Variants in MUC3A observed in about 807,000 individuals in gnomAD.
MUC3A encodes the protein mucin-3A.
A neutral mutation model predicts 109.0 loss-of-function variants in MUC3A; 109 were observed. The observed-to-expected ratio is 1.00, with a 90% CI of 0.86 to 1.17. MUC3A has a LOEUF of 1.17. MUC3A is among the 50% of genes most tolerant of loss of function. The pLI is 0.00. For missense variants in MUC3A, 3,537 were observed against 2,469.4 expected, an observed-to-expected ratio of 1.43 and a Z score of -9.16; for synonymous variants, 1,398 against 981.4, an observed-to-expected ratio of 1.42 and a Z score of -7.93.
Position 100,955,942 on chromosome 7 carries a change from C to T in MUC3A, c.4163C>T (p.Thr1388Ile). 1.9e-6 allele frequency: 1 copy of T among 536,234 alleles called. No homozygotes were observed. Among genetic ancestry groups the T allele is most frequent in the East Asian group, 3.0e-5 (1 of 33,478 alleles). 33.2% of individuals were successfully genotyped at this position (536,234 alleles called of 1,614,324 possible). A position where few individuals can be genotyped will look rare whatever the true frequency, so the allele number is the denominator to read the frequency against. Reference sequence around the variant, plus strand: ...GCCATGACTTCTACTCCCCCCATCACTTCTTCAATCACTCCCACCGATACA... The same window carrying T: ...GCCATGACTTCTACTCCCCCCATCATTTCTTCAATCACTCCCACCGATACA... ...TTAMTSTPPI[T>I]SSITPTDTMT... The change falls in exon 2 of 12, where the codon ACT becomes ATT. Residue 1388 changes from threonine to isoleucine, a missense_variant. Physicochemically the swap from Thr to Ile is moderately conservative, Grantham distance 89. Coordinates refer to ENST00000379458, the MANE Select transcript of MUC3A (RefSeq NM_005960.2).
intron 5 of MUC3A, 45 bp from the exon 6 acceptor site, chr7:100,964,648 CCA>C: frequency 6.4e-7 from 1 of 1,570,062 alleles, no homozygotes; most frequent in Non-Finnish European, 8.6e-7. Flanking sequence ...CTCCAAGGAC[CCA>C]TATGTTCCTG....
At chr7:100,961,983 A>G (rs1386796031) in intron 3 of MUC3A, among the ~76,000 whole-genome samples, 6 of 2,708 alleles carry the variant, frequency 2.2e-3, no homozygotes, top group African/African-American at 5.3e-3. Flanking sequence ...CTGTAATCCC[A>G]GCACTTTGGG....
At position 100,959,176 on chromosome 7, in the gene MUC3A, C is replaced by T. The variant is rs778553955; in HGVS notation, c.7397C>T (p.Ser2466Leu). The T allele has an allele frequency of 8.8e-6, 14 of 1,598,176 alleles. No individual in the cohort carries two copies. The African/African-American group carries it at 1.1e-4, about 12-fold the overall frequency. ...GCCATCACCTCACATTTTACTACCTCAGAGACTGCGGTGACTCCCACACCT... is the reference window on the plus strand; with the variant it reads ...GCCATCACCTCACATTTTACTACCTTAGAGACTGCGGTGACTCCCACACCT... ...TTAITSHFTT[S>L]ETAVTPTPVT... is the part of the protein sequence containing the mutation. Residue 2466 changes from serine to leucine, a missense_variant, in exon 2 of 12, where the codon TCA becomes TTA. Coordinates refer to ENST00000379458, the MANE Select transcript of MUC3A (RefSeq NM_005960.2).
Position 100,959,996 on chromosome 7 carries a change from C to T in MUC3A, c.8217C>T (p.Thr2739=), listed in dbSNP as rs1792264011. ...CTAGTCTCTCTTCCTCTGCAACTAC[C>T]AGCACTTCTTCAACCAGCTCCTCTC... The part of the protein sequence containing the change: ...GFPSLSSSAT[T]STSSTSSSLT... The change falls in exon 2 of 12, where the codon ACC becomes ACT. Residue 2739 remains threonine (T), a synonymous_variant. Transcript: ENST00000379458. The T allele has an allele frequency of 6.6e-7, 1 of 1,506,592 alleles. No individual in the cohort carries two copies. The highest frequency in any genetic ancestry group is 8.8e-7 in the Non-Finnish European group (1 of 1,139,136). The allele number at this position is 1,506,592 out of a possible 1,614,324, so 93.3% of individuals were successfully genotyped here.
chr7:100,961,070 C>T (rs1332422792), intron 3 of MUC3A, 133 bp downstream of exon 3: 3 of 1,536,988 alleles, frequency 2.0e-6, no homozygotes, highest in Non-Finnish European at 2.6e-6. Flanking sequence ...GCCATCTCTC[C>T]CATGCCCTCC....
At position 100,962,257 on chromosome 7, in the gene MUC3A, A is replaced by AAC. The variant is rs1703525624; in HGVS notation, c.9053-893_9053-892insCA. On this transcript the variant is annotated intron_variant, in intron 3 of 11. Transcript: ENST00000379458. ...AAAAAAAAAAAAAAAAAAAAAAAAA[A>AAC]AAAAAAAAAACTTACCTGGGCATGG... Among the ~76,000 whole-genome samples, 6 of 150,600 alleles carry AAC rather than the reference A, an allele frequency of 4.0e-5. 2 individuals are homozygous for AAC. Among genetic ancestry groups the AAC allele is most frequent in the Non-Finnish European group, 7.4e-5 (5 of 67,608 alleles).
At position 100,959,557 on chromosome 7, in the gene MUC3A, C is replaced by A; in HGVS notation, c.7778C>A (p.Ser2593Tyr). The stretch of plus-strand genomic sequence containing the variant: ...ACGTCAGCCACTGGGACCCAAACAT[C>A]TCCTGCACCTACTACTGTCACCTTT... ...VLTSATGTQT[S>Y]PAPTTVTFGS... Residue 2593 changes from serine to tyrosine, a missense_variant, in exon 2 of 12, where the codon TCT (serine) becomes TAT (tyrosine). Ser to Tyr is a moderately radical substitution (Grantham distance 144, BLOSUM62 -2). Transcript: ENST00000379458. The A allele has an allele frequency of 6.3e-7, 1 of 1,592,688 alleles. No individual in the cohort carries two copies. The highest frequency in any genetic ancestry group is 1.7e-5 in the Admixed American group (1 of 59,580).
rs1791978139 is a variant in MUC3A at position 100,952,418 on chromosome 7, A to C, written c.639A>C (p.Thr213=). Residue 213 remains threonine (T), a synonymous_variant, in exon 2 of 12, where the codon ACA becomes ACC. Transcript: ENST00000379458. ...CCTCCTCTGTGTCAGCCACAGACAC[A>C]ACCTTCCACACTACAATCTCGTCTA... ...VTPSSVSATD[T]TFHTTISSTT... 1.3e-6 allele frequency: 2 copies of C among 1,598,464 alleles called. No homozygotes were observed. The highest frequency in any genetic ancestry group is 2.2e-5 in the East Asian group (1 of 44,904).
rs779384118 is a variant in MUC3A at position 100,952,076 on chromosome 7, C to G, written c.297C>G (p.Asn99Lys). Reference sequence around the variant, plus strand: ...TGCTCAACTCTCCAGTCAGTTCCAACACCTCAACCACCCCGACGTCCAAGT... The same window carrying G: ...TGCTCAACTCTCCAGTCAGTTCCAAGACCTCAACCACCCCGACGTCCAAGT... ...ETLLNSPVSSNTSTTPTSKFA... is the reference protein window; with the variant it reads ...ETLLNSPVSSKTSTTPTSKFA... Residue 99 changes from asparagine (N) to lysine (K), a missense_variant, in exon 2 of 12, where the codon AAC becomes AAG. By Grantham distance (94) the Asn-to-Lys change is moderately conservative (BLOSUM62 0). Transcript: ENST00000379458. 7 of 1,598,530 alleles carry G rather than the reference C, an allele frequency of 4.4e-6. No individual in the cohort carries two copies. In the Admixed American group the frequency reaches 5.0e-5, roughly 11 times the overall value.
chr7:100,951,110 A>G (rs1309731703), intron 1 of MUC3A, among the ~76,000 whole-genome samples: 2 of 152,170 alleles, frequency 1.3e-5, no homozygotes, highest in African/African-American at 4.8e-5. Context: ...CCTGGGTTCA[A>G]GCGATTCTCC....
At position 100,964,860 on chromosome 7, in the gene MUC3A, G is replaced by C; in HGVS notation, c.9382+17G>C. ...ACTCCCAGAGTGAGCCCAGGCTGGAGGGAGGGGCCAGGGCCTGAGGTGTCA... is the reference window on the plus strand; with the variant it reads ...ACTCCCAGAGTGAGCCCAGGCTGGACGGAGGGGCCAGGGCCTGAGGTGTCA... On this transcript the variant is annotated intron_variant, in intron 6 of 11. Transcript: ENST00000379458. The C allele has an allele frequency of 6.3e-7, 1 of 1,592,210 alleles. No homozygotes were observed. The highest frequency in any genetic ancestry group is 8.5e-7 in the Non-Finnish European group (1 of 1,175,662).
intron 4 of MUC3A, 99 bp downstream of exon 4, chr7:100,963,365 A>G: frequency 1.0e-6 from 1 of 960,308 alleles, no homozygotes; most frequent in Non-Finnish European, 1.5e-6. Flanking sequence ...GGGTCACTGC[A>G]ACCTCCGCCT....
At position 100,958,960 on chromosome 7, in the gene MUC3A, C is replaced by T. The variant is rs771239602; in HGVS notation, c.7181C>T (p.Ser2394Leu). Reference protein sequence around the residue: ...TPLHSTPGLTSWVTTTKTTSH... With the variant: ...TPLHSTPGLTLWVTTTKTTSH... ...TTACACAGTACTCCTGGCCTCACTT[C>T]GTGGGTCACCACCACCAAGACCACC... Residue 2394 changes from serine (S) to leucine (L), a missense_variant, in exon 2 of 12, where the codon TCG becomes TTG. By Grantham distance (145) the Ser-to-Leu change is moderately radical. Coordinates refer to ENST00000379458, the MANE Select transcript of MUC3A (RefSeq NM_005960.2). The T allele has an allele frequency of 6.6e-5, 105 of 1,589,258 alleles. No individual in the cohort carries two copies. Among genetic ancestry groups the T allele is most frequent in the Admixed American group, 1.5e-4 (9 of 59,378 alleles).
rs757007489 is a variant in MUC3A, at chr7:100,959,974, G to A, written c.8195G>A (p.Ser2732Asn). The A allele has an allele frequency of 6.6e-7, 1 of 1,507,856 alleles. No individual in the cohort carries two copies. The highest frequency in any genetic ancestry group is 8.8e-7 in the Non-Finnish European group (1 of 1,139,406). The allele number at this position is 1,507,856 out of a possible 1,614,324, so 93.4% of individuals were successfully genotyped here. The change falls in exon 2 of 12, where the codon AGT (serine) becomes AAT (asparagine). Residue 2732 changes from serine to asparagine, a missense_variant. Physicochemically the swap from Ser to Asn is conservative, Grantham distance 46. Transcript: ENST00000379458. ...VGSASITGFPSLSSSATTSTS... is the reference protein window; with the variant it reads ...VGSASITGFPNLSSSATTSTS... ...TCCGCTTCTATCACAGGCTTTCCTAGTCTCTCTTCCTCTGCAACTACCAGC... is the reference window on the plus strand; with the variant it reads ...TCCGCTTCTATCACAGGCTTTCCTAATCTCTCTTCCTCTGCAACTACCAGC...
chr7:100,967,120 G>A lies in MUC3A; in HGVS notation c.9931-1G>A, dbSNP rs1468629958. 2 of 1,598,550 alleles carry A rather than the reference G, an allele frequency of 1.3e-6. No homozygotes were observed. The highest frequency in any genetic ancestry group is 2.7e-5 in the African/African-American group (2 of 75,084). On this transcript the variant is annotated splice_acceptor_variant, in intron 11 of 11. Coordinates refer to ENST00000379458, the MANE Select transcript of MUC3A (RefSeq NM_005960.2). LOFTEE classifies it high-confidence loss of function. ...CCCGTCCCTCACTGTGACTCTGACA[G>A]GTGCACATCAAGAGACCCGAGATGA... is the stretch of plus-strand genomic sequence containing the variant.
rs1278311351 is a variant in MUC3A at position 100,960,133 on chromosome 7, C to T, written c.8354C>T (p.Pro2785Leu). ...ITIVPASPTDPCVEMDPSTEA... is the reference protein window; with the variant it reads ...ITIVPASPTDLCVEMDPSTEA... ...ATAGTCCCTGCCTCCCCCACTGATC[C>T]ATGTGTTGAAATGGATCCCAGCACT... The change falls in exon 2 of 12, where the codon CCA (proline) becomes CTA (leucine). Residue 2785 changes from proline to leucine, a missense_variant. Coordinates refer to ENST00000379458, the MANE Select transcript of MUC3A (RefSeq NM_005960.2). The T allele has an allele frequency of 6.4e-7, 1 of 1,551,132 alleles. No homozygotes were observed. Among genetic ancestry groups the T allele is most frequent in the Non-Finnish European group, 8.7e-7 (1 of 1,154,592 alleles).
Position 100,957,442 on chromosome 7 carries a change from C to G in MUC3A, c.5663C>G (p.Pro1888Arg), listed in dbSNP as rs1792127853. The G allele has an allele frequency of 8.8e-7, 1 of 1,135,236 alleles. No homozygotes were observed. Among genetic ancestry groups the G allele is most frequent in the Non-Finnish European group, 1.2e-6 (1 of 843,876 alleles). 70.3% of individuals were successfully genotyped at this position (1,135,236 alleles called of 1,614,324 possible). A position where few individuals can be genotyped will look rare whatever the true frequency, so the allele number is the denominator to read the frequency against. The change falls in exon 2 of 12, where the codon CCA becomes CGA. Residue 1888 changes from proline (P) to arginine (R), a missense_variant. Pro to Arg is a moderately radical substitution (Grantham distance 103). Coordinates refer to ENST00000379458, the MANE Select transcript of MUC3A (RefSeq NM_005960.2). ...SLLTTVTATV[P>R]TTNLVTTTTK... ...CTCACCACAGTAACAGCCACAGTTC[C>G]AACAACAAACTTGGTAACCACGACC...
chr7:100,964,063 GAA>G (rs1491273023), intron 5 of MUC3A: 3,918 of 497,756 alleles, frequency 7.9e-3, no homozygotes, highest in East Asian at 9.1e-3. Context: ...GTCAGCATTA[GAA>G]AGAGAGAGAG....
At position 100,954,989 on chromosome 7, in the gene MUC3A, T is replaced by A; in HGVS notation, c.3210T>A (p.Thr1070=). The change falls in exon 2 of 12, where the codon ACT becomes ACA. Residue 1070 remains threonine, a synonymous_variant. Transcript: ENST00000379458. ...TNTTPLSTLV[T]TLLTTITRST... is the part of the protein sequence containing the mutation. ...CCACCCCTCTATCCACCTTGGTGAC[T>A]ACACTCCTCACTACCATCACCAGAT... is the stretch of plus-strand genomic sequence containing the variant. 2.1e-6 allele frequency: 1 copy of A among 483,042 alleles called. No homozygotes were observed. The highest frequency in any genetic ancestry group is 3.6e-6 in the Non-Finnish European group (1 of 274,946). The allele number at this position is 483,042 out of a possible 1,614,324, so 29.9% of individuals were successfully genotyped here.
Sources: allele counts gnomAD v4.1 joint callset (sites outside exome capture counted in the v4.1 genomes callset), GRCh38; gene constraint gnomAD v4.1.1; transcripts MANE v1.5; gene names NCBI Gene and HGNC (gene_info 2026-07-23, HGNC 2026-07-21).